The following GRSF1 variants were observed in gnomAD, a reference collection of about 807,000 sequenced individuals.
The protein encoded by GRSF1 is G-rich RNA sequence binding factor 1.
A neutral mutation model predicts 51.1 loss-of-function variants in GRSF1; 50 were observed. The observed-to-expected ratio is 0.98, with a 90% CI of 0.78 to 1.24. The LOEUF (loss-of-function observed/expected upper bound fraction) is 1.24. GRSF1 is among the 50% of genes most tolerant of loss of function. The pLI is 0.00. For synonymous variants in GRSF1, 293 were observed against 253.3 expected (o/e 1.16, Z -1.49); for missense variants, 700 against 639.7 (o/e 1.09, Z -1.02).
chr4:70,838,024 G>A (rs1046768025), intron 1 of GRSF1, among the ~76,000 whole-genome samples: 2 of 151,530 alleles, frequency 1.3e-5, no homozygotes, highest in Non-Finnish European at 3.0e-5. Context: ...GAGGTCAGGA[G>A]ATCGAGACCA....
upstream of GRSF1, among the ~76,000 whole-genome samples, chr4:70,842,394 AAG>A (rs1734477859): frequency 6.6e-6 from 1 of 152,166 alleles, no homozygotes; most frequent in Non-Finnish European, 1.5e-5. Context: ...CCAGCCAAAA[AAG>A]AGAAGGGGGT....
At chr4:70,837,152 C>T (rs1734246810) in intron 1 of GRSF1, among the ~76,000 whole-genome samples, 1 of 152,190 alleles carries the variant, frequency 6.6e-6, no homozygotes, top group Admixed American at 6.5e-5. Context: ...ACAACGGCAG[C>T]AGTGTGAGGC....
chr4:70,840,108 T>C (rs1486739509), upstream of GRSF1, among the ~76,000 whole-genome samples: 2 of 71,228 alleles, frequency 2.8e-5, no homozygotes, highest in South Asian at 1.4e-3. Context: ...TGGGCGGGGC[T>C]GCCCATGGTT....
chr4:70,838,905 T>G, intron 1 of GRSF1: 1 of 333,304 alleles, frequency 3.0e-6, no homozygotes, highest in Non-Finnish European at 5.8e-6. Flanking sequence ...TGACCTTCAG[T>G]AAACCGGGAC....
At chr4:70,835,182 G>T (rs956565740) in intron 2 of GRSF1, among the ~76,000 whole-genome samples, 2 of 150,768 alleles carry the variant, frequency 1.3e-5, no homozygotes, top group African/African-American at 4.9e-5. Flanking sequence ...GGTGGCTCAC[G>T]CCTGTAATCC....
chr4:70,839,005 C>A, intron 1 of GRSF1: 2 of 524,960 alleles, frequency 3.8e-6, no homozygotes, highest in South Asian at 1.9e-5. Flanking sequence ...TGTGTGCGCG[C>A]ACCTTCCCAG....
At chr4:70,821,068 T>C (rs1733476445) in intron 9 of GRSF1, among the ~76,000 whole-genome samples, 2 of 152,206 alleles carry the variant, frequency 1.3e-5, no homozygotes, top group East Asian at 3.8e-4. Flanking sequence ...GAATATATTT[T>C]AAATAGATTT....
At chr4:70,823,562 G>A (rs184560682) in intron 9 of GRSF1, among the ~76,000 whole-genome samples, 100 of 150,210 alleles carry the variant, frequency 6.7e-4, no homozygotes, top group Non-Finnish European at 1.1e-3. Context: ...ATTATCATTA[G>A]TTTGATCTTT....
upstream of GRSF1, among the ~76,000 whole-genome samples, chr4:70,841,162 G>T (rs563281300): frequency 7.9e-5 from 12 of 152,250 alleles, no homozygotes; most frequent in African/African-American, 2.6e-4. Context: ...GTGTGATGGC[G>T]TGGGCCTGTA....
rs756357301 is a variant in GRSF1 at position 70,818,061 on chromosome 4, CAG to C, written c.*2824_*2825del. 9.2e-5 allele frequency: 14 copies of C among 152,342 alleles called. No homozygotes were observed. Among genetic ancestry groups the C allele is most frequent in the South Asian group, 6.2e-4 (3 of 4,832 alleles). The allele number at this position is 152,342 out of a possible 1,614,324, so 9.4% of individuals were successfully genotyped here. A position where few individuals can be genotyped will look rare whatever the true frequency, so the allele number is the denominator to read the frequency against. On this transcript the variant is annotated 3_prime_UTR_variant, in exon 10 of 10. Transcript: ENST00000254799. ...TGTATTTTGGTTTTTTTGATTTTGA[CAG>C]AGTCTCACTCTGTTGCCCAGGCTGG...
Position 70,832,123 on chromosome 4 carries a change from T to G in GRSF1, c.814+184A>C, listed in dbSNP as rs377384605. On this transcript the variant is annotated intron_variant, in intron 4 of 9. Transcript: ENST00000254799. ...GAAATCTGACTTCCCTCCTAAAATC[T>G]GCCTGATAGAACAAAAACACATATA... 9.9e-5 allele frequency among the ~76,000 whole-genome samples: 15 copies of G among 152,226 alleles called. No homozygotes were observed. The East Asian group carries it at 2.3e-3, about 23-fold the overall frequency.
At chr4:70,823,247 A>T (rs182377873) in intron 9 of GRSF1, among the ~76,000 whole-genome samples, 1,559 of 151,926 alleles carry the variant, frequency 0.01, 26 homozygotes, top group African/African-American at 0.036. Context: ...AAATACAAAA[A>T]TTAGCTGGGC....
chr4:70,830,040 G>A (rs1288299522), intron 5 of GRSF1, among the ~76,000 whole-genome samples: 1 of 152,174 alleles, frequency 6.6e-6, no homozygotes, highest in Non-Finnish European at 1.5e-5. Context: ...ATGTCAACAT[G>A]AGATACTGTA....
chr4:70,827,461 T>C (rs192535093), intron 6 of GRSF1, among the ~76,000 whole-genome samples: 2 of 152,212 alleles, frequency 1.3e-5, no homozygotes, highest in African/African-American at 4.8e-5. Context: ...ATTAAGCCTT[T>C]CTGCATATAC....
chr4:70,828,520 TA>T (rs1733823444), intron 5 of GRSF1, among the ~76,000 whole-genome samples: 1 of 117,206 alleles, frequency 8.5e-6, no homozygotes, highest in Non-Finnish European at 1.8e-5. Flanking sequence ...AAGTATCAAT[TA>T]TGACTTGCTA....
At chr4:70,826,064 AG>A (rs1398039685) in intron 7 of GRSF1, 59 bp downstream of exon 7, 20 of 1,421,840 alleles carry the variant, frequency 1.4e-5, no homozygotes, top group Non-Finnish European at 1.9e-5. Context: ...AATTAATACA[AG>A]TTCAATTTTA....
At chr4:70,829,649 T>C (rs1229828088) in intron 5 of GRSF1, among the ~76,000 whole-genome samples, 1 of 151,950 alleles carries the variant, frequency 6.6e-6, no homozygotes, top group African/African-American at 2.4e-5. Flanking sequence ...TAAGACTCTG[T>C]CTAAAATTAG....
At chr4:70,838,934 G>T (rs529322143) in intron 1 of GRSF1, 6 of 348,882 alleles carry the variant, frequency 1.7e-5, no homozygotes, top group African/African-American at 1.3e-4. Flanking sequence ...TTTCCCTGGG[G>T]ACAGGAGAGG....
At chr4:70,831,036 T>C (rs1286100956) in intron 5 of GRSF1, among the ~76,000 whole-genome samples, 1 of 152,196 alleles carries the variant, frequency 6.6e-6, no homozygotes, top group Non-Finnish European at 1.5e-5. Flanking sequence ...CTCTAGGTAC[T>C]CTGTCTATGG....
Sources: allele counts gnomAD v4.1 joint callset (sites outside exome capture counted in the v4.1 genomes callset), GRCh38; gene constraint gnomAD v4.1.1; transcripts MANE v1.5; gene names NCBI Gene and HGNC (gene_info 2026-07-23, HGNC 2026-07-21).